Variants in AGMO observed in about 807,000 individuals in gnomAD.
AGMO encodes glyceryl-ether monooxygenase.
A neutral mutation model predicts 60.2 loss-of-function variants in AGMO; 75 were observed. That is an observed-to-expected ratio of 1.25 (90% CI 1.03 to 1.51). The LOEUF is 1.51. Among genes scored for constraint, AGMO ranks in the 40% most tolerant of loss-of-function variants. The probability of loss-of-function intolerance (pLI) is 0.00; values close to 1 mark genes in which losing one functional copy is unlikely to be tolerated. For synonymous variants in AGMO, 261 were observed against 177.1 expected (o/e 1.47, Z -3.76); for missense variants, 763 against 525.5 (o/e 1.45, Z -4.42).
intron 12 of AGMO, among the ~76,000 whole-genome samples, chr7:15,218,672 G>T (rs966577210): frequency 6.6e-6 from 1 of 151,972 alleles, no homozygotes; most frequent in South Asian, 2.1e-4. Context: ...TTTAAAAAAA[G>T]AGTTCAACAA....
chr7:15,446,877 T>C (rs1781711827), intron 3 of AGMO, among the ~76,000 whole-genome samples: 1 of 152,186 alleles, frequency 6.6e-6, no homozygotes, highest in Non-Finnish European at 1.5e-5. Context: ...ACTGTTCAGG[T>C]TCACTGCAAT....
At chr7:15,554,050 A>G (rs2115303854) in intron 2 of AGMO, among the ~76,000 whole-genome samples, 1 of 152,286 alleles carries the variant, frequency 6.6e-6, no homozygotes, top group South Asian at 2.1e-4. Context: ...TGGAGTGCCC[A>G]CAACTAAAAG....
the AGMO span, among the ~76,000 whole-genome samples, chr7:15,131,104 T>G: frequency 6.6e-6 from 1 of 152,174 alleles, no homozygotes; most frequent in African/African-American, 2.4e-5. Flanking sequence ...AGGAGGCAAC[T>G]TTGGAAACAT....
chr7:15,497,143 T>C (rs1230701569), intron 3 of AGMO, among the ~76,000 whole-genome samples: 7 of 152,192 alleles, frequency 4.6e-5, no homozygotes, highest in Admixed American at 4.6e-4. Flanking sequence ...AGCCAGTGTT[T>C]GTTGAGCAGT....
intron 12 of AGMO, among the ~76,000 whole-genome samples, chr7:15,312,855 G>C (rs1369873641): frequency 6.6e-6 from 1 of 151,968 alleles, no homozygotes; most frequent in Non-Finnish European, 1.5e-5. Context: ...TTTTAGTAAA[G>C]ACAGGGTTTT....
In AGMO at chr7:15,519,593, G is replaced by A. The variant is rs550207924; in HGVS notation, c.409+25179C>T. 9.9e-5 allele frequency among the ~76,000 whole-genome samples: 15 copies of A among 152,218 alleles called. 1 individual carries two copies. Among genetic ancestry groups the A allele is most frequent in the Non-Finnish European group, 1.8e-4 (12 of 68,016 alleles). The stretch of plus-strand genomic sequence containing the variant: ...TGAAGAAAAAATAAAATCCTTTACA[G>A]ACAAGCAAATGCTGAGGGATTTTGT... On this transcript the variant is annotated intron_variant, in intron 3 of 12. Transcript: ENST00000342526.
chr7:15,214,105 G>A (rs1412701928), intron 12 of AGMO, among the ~76,000 whole-genome samples: 1 of 151,954 alleles, frequency 6.6e-6, no homozygotes, highest in Non-Finnish European at 1.5e-5. Context: ...ATAAAGGAGG[G>A]AGAGAGACAG....
the AGMO span, among the ~76,000 whole-genome samples, chr7:15,177,781 T>G: frequency 6.6e-6 from 1 of 152,244 alleles, no homozygotes; most frequent in South Asian, 2.1e-4. Flanking sequence ...AAGGTAAAAA[T>G]ATATACTCTC....
At chr7:15,463,066 T>C (rs2128509312) in intron 3 of AGMO, among the ~76,000 whole-genome samples, 1 of 152,276 alleles carries the variant, frequency 6.6e-6, no homozygotes. Context: ...TGGAATAAGA[T>C]ATAAAAATAA....
At chr7:15,155,403 T>C in the AGMO span, among the ~76,000 whole-genome samples, 10 of 148,540 alleles carry the variant, frequency 6.7e-5, no homozygotes, top group Admixed American at 6.0e-4. Flanking sequence ...ATGCTTCCAA[T>C]TGCATTACAG....
chr7:15,201,027 G>T lies in AGMO; in HGVS notation c.*258C>A. 1 of 295,290 alleles carries T rather than the reference G, an allele frequency of 3.4e-6. No individual in the cohort carries two copies. Among genetic ancestry groups the T allele is most frequent in the South Asian group, 1.3e-4 (1 of 7,548 alleles). The allele number at this position is 295,290 out of a possible 1,614,324, so 18.3% of individuals were successfully genotyped here. A position where few individuals can be genotyped will look rare whatever the true frequency, so the allele number is the denominator to read the frequency against. ...CCTTCTTTTTATACTTGTCATATAA[G>T]GCTATCAGTTAATATAACATCATTA... On this transcript the variant is annotated 3_prime_UTR_variant, in exon 13 of 13. Transcript: ENST00000342526.
chr7:15,119,187 T>C, the AGMO span, among the ~76,000 whole-genome samples: 1 of 151,768 alleles, frequency 6.6e-6, no homozygotes, highest in African/African-American at 2.4e-5. Flanking sequence ...CCAATGCTGG[T>C]CGTGGGCCCT....
intron 12 of AGMO, among the ~76,000 whole-genome samples, chr7:15,271,196 C>T (rs1384155439): frequency 1.3e-5 from 2 of 151,984 alleles, no homozygotes; most frequent in Non-Finnish European, 2.9e-5. Context: ...ATATTTCTTA[C>T]TCAGTGAAAA....
intron 12 of AGMO, among the ~76,000 whole-genome samples, chr7:15,255,073 C>A (rs1583332847): frequency 6.6e-6 from 1 of 152,102 alleles, no homozygotes; most frequent in Admixed American, 6.6e-5. Context: ...ATGGATGAAG[C>A]TGGAAACCAT....
intron 12 of AGMO, among the ~76,000 whole-genome samples, chr7:15,252,303 G>C (rs111330095): frequency 1.2e-4 from 19 of 152,078 alleles, no homozygotes; most frequent in Admixed American, 1.0e-3. Flanking sequence ...TTCTAAGATC[G>C]GCTCCATGAG....
chr7:15,496,542 T>G (rs1279694359), intron 3 of AGMO, among the ~76,000 whole-genome samples: 1 of 83,142 alleles, frequency 1.2e-5, no homozygotes, highest in African/African-American at 3.2e-5. Flanking sequence ...GAATTGAGGC[T>G]GAGGAATCAA....
intron 12 of AGMO, among the ~76,000 whole-genome samples, chr7:15,289,917 C>G (rs1275851483): frequency 7.2e-6 from 1 of 138,260 alleles, no homozygotes; most frequent in Non-Finnish European, 1.5e-5. Context: ...AGCATCACAT[C>G]CAAGAGTATC....
intron 4 of AGMO, among the ~76,000 whole-genome samples, chr7:15,429,627 C>T (rs887549319): frequency 2.0e-5 from 3 of 151,958 alleles, no homozygotes; most frequent in East Asian, 3.9e-4. Context: ...AGAATACAAG[C>T]GTCATCACAG....
chr7:15,322,639 TAAATATATAA>T (rs1781188586), intron 12 of AGMO, among the ~76,000 whole-genome samples: 1 of 62,374 alleles, frequency 1.6e-5, no homozygotes. Flanking sequence ...TAAATATATA[TAAATATATAA>T]ATATATATAT....
Sources: gnomAD v4.1 joint callset for allele counts (sites outside exome capture counted in the v4.1 genomes callset) on GRCh38, gnomAD v4.1.1 for gene constraint, MANE v1.5 for transcripts, NCBI Gene and HGNC (gene_info 2026-07-23, HGNC 2026-07-21) for gene names.